ATP6V1A: variants seen among roughly 807,000 people sequenced by gnomAD.
ATP6V1A encodes ATPase H+ transporting V1 subunit A.
A neutral mutation model predicts 70.1 loss-of-function variants in ATP6V1A; 18 were observed. The observed-to-expected ratio is 0.26, with a 90% confidence interval of 0.18 to 0.38. The LOEUF (loss-of-function observed/expected upper bound fraction) is 0.38, where lower values mean the gene tolerates loss of function less well. Among genes scored for constraint, ATP6V1A ranks in the 10% least tolerant of loss-of-function variants. ATP6V1A has a pLI of 1.00. For synonymous variants in ATP6V1A, 232 were observed against 253.8 expected (o/e 0.91, Z 0.82); for missense variants, 424 against 772.4 (o/e 0.55, Z 5.35).
intron 1 of ATP6V1A, among the ~76,000 whole-genome samples, chr3:113,764,957 C>A (rs1339850767): frequency 6.9e-6 from 1 of 144,804 alleles, no homozygotes; most frequent in Non-Finnish European, 1.5e-5. Flanking sequence ...CACTGTACTC[C>A]AGCATAGGTG....
chr3:113,792,426 C>T (rs773094799), intron 8 of ATP6V1A, among the ~76,000 whole-genome samples: 1 of 152,114 alleles, frequency 6.6e-6, no homozygotes, highest in Non-Finnish European at 1.5e-5. Context: ...CAGCTTTGAC[C>T]TCCTGGTCTC....
rs538710134 is a variant in ATP6V1A, at chr3:113,798,228, G to GT, written c.1291-7dup. ...GAAAAATTACTGTTTTTGTGTGTGT[G>GT]TTTTTTTTAATCAGGTGTTCTGGGG... is the stretch of plus-strand genomic sequence containing the variant. On this transcript the variant is annotated splice_polypyrimidine_tract_variant and intron_variant, in intron 11 of 14. Coordinates refer to ENST00000273398, the MANE Select transcript of ATP6V1A (RefSeq NM_001690.4). 1.0e-3 allele frequency: 1,628 copies of GT among 1,609,958 alleles called. 11 individuals are homozygous for GT. In the African/African-American group the frequency reaches 0.018, roughly 18 times the overall value.
intron 1 of ATP6V1A, among the ~76,000 whole-genome samples, chr3:113,775,485 C>G (rs187516166): frequency 1.5e-4 from 23 of 152,126 alleles, no homozygotes; most frequent in Admixed American, 1.4e-3. Flanking sequence ...CCACCTCGGC[C>G]CCCCCAAGTG....
chr3:113,771,429 CTTTTTTTTTTT>C lies in ATP6V1A; in HGVS notation c.-13-7296_-13-7286del, dbSNP rs772278685. Among the ~76,000 whole-genome samples, 14 of 112,594 alleles carry C rather than the reference CTTTTTTTTTTT, an allele frequency of 1.2e-4. No individual in the cohort carries two copies. In the South Asian group the frequency reaches 2.5e-3, roughly 20 times the overall value. 73.9% of individuals were successfully genotyped at this position (112,594 alleles called of 152,430 possible). ...GGAAAAAACACTTGCATATTTTTCTCTTTTTTTTTTTTTTTTTTTTTTTTTTGAGACGGAGT... is the reference window on the plus strand; with the variant it reads ...GGAAAAAACACTTGCATATTTTTCTCTTTTTTTTTTTTTTTGAGACGGAGT... On this transcript the variant is annotated intron_variant, in intron 1 of 14. Coordinates refer to ENST00000273398, the MANE Select transcript of ATP6V1A (RefSeq NM_001690.4).
At position 113,809,555 on chromosome 3, in the gene ATP6V1A, GTTAT is replaced by G; in HGVS notation, c.*131_*134del. 1 of 759,604 alleles carries G rather than the reference GTTAT, an allele frequency of 1.3e-6. No homozygotes were observed. Among genetic ancestry groups the G allele is most frequent in the Non-Finnish European group, 2.1e-6 (1 of 477,692 alleles). 47.1% of individuals were successfully genotyped at this position (759,604 alleles called of 1,614,324 possible). On this transcript the variant is annotated 3_prime_UTR_variant, in exon 15 of 15. Coordinates refer to ENST00000273398, the MANE Select transcript of ATP6V1A (RefSeq NM_001690.4). ...AGCTTTGAGACTAGTGCCTATGTGT[GTTAT>G]TTGTTTCCCTGTTTTTTTGGTAGGT...
At chr3:113,791,199 G>A (rs1180276134) in intron 8 of ATP6V1A, among the ~76,000 whole-genome samples, 1 of 151,948 alleles carries the variant, frequency 6.6e-6, no homozygotes, top group Non-Finnish European at 1.5e-5. Flanking sequence ...TATTTTCCAT[G>A]TGCATCATTT....
Position 113,784,457 on chromosome 3 carries a change from G to C in ATP6V1A, c.426+19G>C. 6.4e-7 allele frequency: 1 copy of C among 1,570,004 alleles called. No individual in the cohort carries two copies. Among genetic ancestry groups the C allele is most frequent in the Non-Finnish European group, 8.7e-7 (1 of 1,143,506 alleles). ...CCTACGGGTATGTCTGTGTAACCAA[G>C]AATTTCTGAAGTTATTGAAAGAATA... On this transcript the variant is annotated intron_variant, in intron 4 of 14. Coordinates refer to ENST00000273398, the MANE Select transcript of ATP6V1A (RefSeq NM_001690.4).
intron 7 of ATP6V1A, among the ~76,000 whole-genome samples, chr3:113,789,161 C>T (rs1218709836): frequency 6.6e-6 from 1 of 152,124 alleles, no homozygotes; most frequent in Non-Finnish European, 1.5e-5. Flanking sequence ...GATTCTCCTT[C>T]CTCAGCCTCC....
intron 4 of ATP6V1A, 124 bp from the exon 5 acceptor site, chr3:113,784,572 C>A: frequency 7.1e-7 from 1 of 1,413,966 alleles, no homozygotes; most frequent in Non-Finnish European, 9.6e-7. Flanking sequence ...CTTAACTCTA[C>A]TTCATGGGAT....
chr3:113,752,069 A>G (rs776847252), intron 1 of ATP6V1A, among the ~76,000 whole-genome samples: 1 of 151,944 alleles, frequency 6.6e-6, no homozygotes, highest in African/African-American at 2.4e-5. Context: ...TCTTAATGCT[A>G]TCTGTTGAAA....
intron 6 of ATP6V1A, among the ~76,000 whole-genome samples, chr3:113,787,316 T>C (rs1709049040): frequency 1.3e-5 from 2 of 152,302 alleles, no homozygotes; most frequent in South Asian, 4.1e-4. Flanking sequence ...CTGGGATAAA[T>C]CAAACTGAGA....
intron 3 of ATP6V1A, among the ~76,000 whole-genome samples, chr3:113,782,677 G>A (rs1193388461): frequency 6.6e-6 from 1 of 150,868 alleles, no homozygotes; most frequent in African/African-American, 2.4e-5. Flanking sequence ...AGGCTGGAGT[G>A]CAGTAGCATG....
At position 113,810,001 on chromosome 3, in the gene ATP6V1A, C is replaced by T. The variant is rs1709321902; in HGVS notation, c.*574C>T. On this transcript the variant is annotated 3_prime_UTR_variant, in exon 15 of 15. Coordinates refer to ENST00000273398, the MANE Select transcript of ATP6V1A (RefSeq NM_001690.4). ...TAAATCAGGAATGTTTGTGAGAAAC[C>T]ATTGGGAACTATACTCTTTTTATTT... 2 of 151,952 alleles carry T rather than the reference C, an allele frequency of 1.3e-5. No homozygotes were observed. Among genetic ancestry groups the T allele is most frequent in the Admixed American group, 6.6e-5 (1 of 15,250 alleles). The allele number at this position is 151,952 out of a possible 1,614,324, so 9.4% of individuals were successfully genotyped here. A position where few individuals can be genotyped will look rare whatever the true frequency, so the allele number is the denominator to read the frequency against.
rs938253538 is a variant in ATP6V1A at position 113,752,439 on chromosome 3, A to C, written c.-14+5326A>C. Among the ~76,000 whole-genome samples the C allele has an allele frequency of 5.9e-5, 9 of 151,930 alleles. No individual in the cohort carries two copies. The East Asian group carries it at 1.7e-3, about 29-fold the overall frequency. ...TCTCTAGATTGATGCATTAAAGAAA[A>C]AATTAAAATTTATTACTATACCTTC... On this transcript the variant is annotated intron_variant, in intron 1 of 14. Transcript: ENST00000273398.
intron 8 of ATP6V1A, among the ~76,000 whole-genome samples, chr3:113,793,977 A>T (rs748153605): frequency 2.0e-5 from 3 of 152,254 alleles, no homozygotes; most frequent in African/African-American, 4.8e-5. Context: ...TTCATCTGCC[A>T]TATATACAAG....
chr3:113,777,378 T>C lies in ATP6V1A; in HGVS notation c.-13-1363T>C, dbSNP rs1015567575. Among the ~76,000 whole-genome samples the C allele has an allele frequency of 9.2e-5, 14 of 152,296 alleles. No individual in the cohort carries two copies. In the South Asian group the frequency reaches 2.7e-3, roughly 29 times the overall value. On this transcript the variant is annotated intron_variant, in intron 1 of 14. Coordinates refer to ENST00000273398, the MANE Select transcript of ATP6V1A (RefSeq NM_001690.4). ...TGTTACATTGTGAAAAGTGCTATGGTATAAAATAGGGAAGGAGGAAGGATG... is the reference window on the plus strand; with the variant it reads ...TGTTACATTGTGAAAAGTGCTATGGCATAAAATAGGGAAGGAGGAAGGATG...
rs1489660341 is a variant in ATP6V1A at position 113,798,402 on chromosome 3, C to T, written c.1450C>T (p.Gln484Ter). The T allele has an allele frequency of 6.2e-7, 1 of 1,613,616 alleles. No individual in the cohort carries two copies. The change falls in exon 12 of 15, where the codon CAG becomes TAG. Residue 484 changes from glutamine (Q) to a stop codon, truncating the protein, a stop_gained. Transcript: ENST00000273398. LOFTEE classifies it high-confidence loss of function. ...PLRTKAKEIL[Q>*]EEEDLAEIVQ... ...GAGGACGAAAGCTAAGGAAATTCTG[C>T]AGGAAGAAGAAGACCTGGCAGAAAT...
intron 1 of ATP6V1A, among the ~76,000 whole-genome samples, chr3:113,772,060 G>A (rs1326514602): frequency 1.3e-5 from 2 of 152,236 alleles, no homozygotes; most frequent in African/African-American, 4.8e-5. Flanking sequence ...GAAATGCAGT[G>A]CAAGTCCCTC....
rs573522236 is a variant in ATP6V1A at position 113,796,871 on chromosome 3, C to T, written c.1290+932C>T. The stretch of plus-strand genomic sequence containing the variant: ...TGTTTGCCCTTACAAAAATCACTGT[C>T]AGTTGTTGTTGGATTGGCCCTGTGA... On this transcript the variant is annotated intron_variant, in intron 11 of 14. Coordinates refer to ENST00000273398, the MANE Select transcript of ATP6V1A (RefSeq NM_001690.4). Among the ~76,000 whole-genome samples the T allele has an allele frequency of 1.6e-4, 25 of 152,304 alleles. No homozygotes were observed. In the South Asian group the frequency reaches 5.0e-3, roughly 30 times the overall value.
Sources: allele counts gnomAD v4.1 joint callset (sites outside exome capture counted in the v4.1 genomes callset), GRCh38; gene constraint gnomAD v4.1.1; transcripts MANE v1.5; gene names NCBI Gene and HGNC (gene_info 2026-07-23, HGNC 2026-07-21).